The following NCOA7 variants were observed in gnomAD, a reference collection of about 807,000 sequenced individuals.
NCOA7 encodes 140 kDa estrogen receptor-associated protein.
Under a neutral mutation model 104.3 loss-of-function variants are expected in NCOA7, and 45 were observed. The ratio of observed to expected loss-of-function variants is 0.43; its 90% CI spans 0.34 to 0.55. NCOA7 has a LOEUF of 0.55. Among genes scored for constraint, NCOA7 ranks in the 20% least tolerant of loss-of-function variants. The pLI is 0.02. For missense variants in NCOA7, 1,041 were observed against 1,119.7 expected (o/e 0.93, Z 1.00); for synonymous variants, 398 against 402.3 (o/e 0.99, Z 0.13).
chr6:125,841,886 A>T (rs1047394104), intron 2 of NCOA7, among the ~76,000 whole-genome samples: 1 of 152,204 alleles, frequency 6.6e-6, no homozygotes, highest in African/African-American at 2.4e-5. Context: ...AAAATTTCAT[A>T]CCTGATATTA....
At position 125,815,316 on chromosome 6, in the gene NCOA7, G is replaced by A; in HGVS notation, c.-39G>A. 6.6e-7 allele frequency: 1 copy of A among 1,509,560 alleles called. No individual in the cohort carries two copies. 93.5% of individuals were successfully genotyped at this position (1,509,560 alleles called of 1,614,324 possible). A position where few individuals can be genotyped will look rare whatever the true frequency, so the allele number is the denominator to read the frequency against. Reference sequence around the variant, plus strand: ...GGTTACGACTCACTGATTAAAAAGAGGGACTTTTTCAAATACTTTGCACTT... The same window carrying A: ...GGTTACGACTCACTGATTAAAAAGAAGGACTTTTTCAAATACTTTGCACTT... On this transcript the variant is annotated 5_prime_UTR_variant, in exon 2 of 16. Coordinates refer to ENST00000392477, the MANE Select transcript of NCOA7 (RefSeq NM_181782.5).
rs776920169 is a variant in NCOA7 at position 125,889,195 on chromosome 6, T to G, written c.1141T>G (p.Ser381Ala). 4 of 1,614,008 alleles carry G rather than the reference T, an allele frequency of 2.5e-6. No homozygotes were observed. The South Asian group carries it at 4.4e-5, about 18-fold the overall frequency. The change falls in exon 9 of 16, where the codon TCC becomes GCC. Residue 381 changes from serine (S) to alanine (A), a missense_variant. Around this residue, in one of 2 missense-constraint regions of NCOA7, gnomAD observed 914 missense variants for 942.7 expected, o/e 0.97. Coordinates refer to ENST00000392477, the MANE Select transcript of NCOA7 (RefSeq NM_181782.5). ...GAAACTGGACTCCTCTAGGGAGACA[T>G]CCCATGGTTCTCCCACAGTGACTAA... ...LKKLDSSRET[S>A]HGSPTVTKLS...
In NCOA7 at chr6:125,865,407, A is replaced by G. The variant is rs1291604720; in HGVS notation, c.272-9482A>G. Reference sequence around the variant, plus strand: ...GTGACTTGCTTGAAGGAAGGAAGGTAGGTAACATGTACTGCATGACATTTT... The same window carrying G: ...GTGACTTGCTTGAAGGAAGGAAGGTGGGTAACATGTACTGCATGACATTTT... On this transcript the variant is annotated intron_variant, in intron 3 of 15. Transcript: ENST00000392477. Among the ~76,000 whole-genome samples the G allele has an allele frequency of 2.2e-5, 3 of 138,138 alleles. 1 individual carries two copies. The highest frequency in any genetic ancestry group is 9.1e-5 in the African/African-American group (3 of 33,104). 90.6% of individuals were successfully genotyped at this position (138,138 alleles called of 152,430 possible).
chr6:125,884,767 C>A (rs1784124105), intron 7 of NCOA7, among the ~76,000 whole-genome samples: 1 of 152,200 alleles, frequency 6.6e-6, no homozygotes, highest in Non-Finnish European at 1.5e-5. Context: ...TGAAGACTTG[C>A]AGAGTGAATT....
intron 1 of NCOA7, among the ~76,000 whole-genome samples, chr6:125,800,697 T>A (rs1775804466): frequency 6.6e-6 from 1 of 152,212 alleles, no homozygotes; most frequent in African/African-American, 2.4e-5. Context: ...ACAGTCTGAT[T>A]GGAAGGAATG....
At chr6:125,836,901 G>A (rs1487109911) in intron 2 of NCOA7, among the ~76,000 whole-genome samples, 1 of 152,188 alleles carries the variant, frequency 6.6e-6, no homozygotes, top group African/African-American at 2.4e-5. Context: ...TAGGAAGTTG[G>A]TTGCACCTGT....
chr6:125,809,725 G>A (rs917432119), intron 1 of NCOA7, among the ~76,000 whole-genome samples: 2 of 152,120 alleles, frequency 1.3e-5, no homozygotes, highest in African/African-American at 2.4e-5. Flanking sequence ...TGTTCCTTAC[G>A]TGACCAAACA....
intron 11 of NCOA7, among the ~76,000 whole-genome samples, chr6:125,915,869 G>T (rs1222294562): frequency 6.6e-6 from 1 of 152,178 alleles, no homozygotes; most frequent in African/African-American, 2.4e-5. Context: ...GTATGTAAAT[G>T]AATGAGCATG....
chr6:125,921,076 C>T lies in NCOA7; in HGVS notation c.2370+8C>T, dbSNP rs376830807. 2.5e-6 allele frequency: 4 copies of T among 1,611,162 alleles called. No individual in the cohort carries two copies. Among genetic ancestry groups the T allele is most frequent in the Admixed American group, 1.7e-5 (1 of 59,912 alleles). On this transcript the variant is annotated splice_region_variant and intron_variant, in intron 12 of 15. Coordinates refer to ENST00000392477, the MANE Select transcript of NCOA7 (RefSeq NM_181782.5). ...AATATGCACATCGAGCAGGTGGGCT[C>T]GCCCTGGCCACCAAGGGTGGGGGTT... is the stretch of plus-strand genomic sequence containing the variant.
intron 10 of NCOA7, among the ~76,000 whole-genome samples, chr6:125,900,797 C>G (rs1321890921): frequency 6.6e-6 from 1 of 152,000 alleles, no homozygotes; most frequent in Non-Finnish European, 1.5e-5. Flanking sequence ...TATAGACACA[C>G]TAAGACCCTT....
At chr6:125,923,822 G>A (rs1301256377) in intron 13 of NCOA7, among the ~76,000 whole-genome samples, 3 of 152,136 alleles carry the variant, frequency 2.0e-5, no homozygotes, top group Non-Finnish European at 2.9e-5. Context: ...CCATATACAT[G>A]GGATCATTTT....
chr6:125,782,910 T>C (rs1713397657), intron 1 of NCOA7, among the ~76,000 whole-genome samples: 1 of 152,142 alleles, frequency 6.6e-6, no homozygotes, highest in Admixed American at 6.5e-5. Flanking sequence ...CTAGATTACC[T>C]GGATGGGCCC....
intron 10 of NCOA7, among the ~76,000 whole-genome samples, chr6:125,910,444 A>G (rs879815351): frequency 6.6e-5 from 10 of 152,246 alleles, no homozygotes; most frequent in Admixed American, 6.5e-4. Flanking sequence ...AAGATGGACT[A>G]AATTTTTAAG....
intron 2 of NCOA7, among the ~76,000 whole-genome samples, chr6:125,844,323 T>C (rs1780416276): frequency 6.6e-6 from 1 of 152,228 alleles, no homozygotes; most frequent in African/African-American, 2.4e-5. Flanking sequence ...ATTTTCGTTT[T>C]AACTGATGAA....
At chr6:125,921,995 A>G (rs1161348976) in intron 12 of NCOA7, among the ~76,000 whole-genome samples, 1 of 152,198 alleles carries the variant, frequency 6.6e-6, no homozygotes, top group African/African-American at 2.4e-5. Flanking sequence ...TCCCTAGTTT[A>G]CTGAGGAACC....
chr6:125,782,603 T>C (rs1774276936), intron 1 of NCOA7, among the ~76,000 whole-genome samples: 1 of 152,246 alleles, frequency 6.6e-6, no homozygotes, highest in Non-Finnish European at 1.5e-5. Context: ...GCCTTTTTTC[T>C]TTTACATCAT....
At chr6:125,805,559 C>T (rs1776369334) in intron 1 of NCOA7, among the ~76,000 whole-genome samples, 1 of 152,148 alleles carries the variant, frequency 6.6e-6, no homozygotes, top group Non-Finnish European at 1.5e-5. Context: ...GCTATTTGAC[C>T]TTGAATAAAT....
chr6:125,923,744 T>G (rs1787787363), intron 13 of NCOA7, among the ~76,000 whole-genome samples: 1 of 152,228 alleles, frequency 6.6e-6, no homozygotes, highest in South Asian at 2.1e-4. Flanking sequence ...CTAGGCACTG[T>G]TAAGCATTGG....
intron 1 of NCOA7, among the ~76,000 whole-genome samples, chr6:125,812,207 C>A (rs1165520981): frequency 1.3e-5 from 2 of 152,134 alleles, no homozygotes; most frequent in African/African-American, 2.4e-5. Flanking sequence ...GTGTGCCTAG[C>A]CCCTTTCACT....
Sources: gnomAD v4.1 joint callset for allele counts (sites outside exome capture counted in the v4.1 genomes callset) on GRCh38, gnomAD v4.1.1 for gene constraint, gnomAD v4.1.1 regional missense constraint, MANE v1.5 for transcripts, NCBI Gene and HGNC (gene_info 2026-07-23, HGNC 2026-07-21) for gene names.